Variants in SSH2 observed in about 807,000 individuals in gnomAD.
SSH2 encodes the protein slingshot protein phosphatase 2, also known as protein phosphatase Slingshot homolog 2.
A neutral mutation model predicts 135.2 loss-of-function variants in SSH2; 37 were observed. The observed-to-expected ratio is 0.27, with a 90% confidence interval of 0.21 to 0.36. SSH2 has a LOEUF of 0.36. Ranked by LOEUF, SSH2 falls within the 10% of genes least tolerant of loss-of-function variation. SSH2 has a pLI of 1.00. For synonymous variants in SSH2, 628 were observed against 646.2 expected, an observed-to-expected ratio of 0.97 and a Z score of 0.43; for missense variants, 1,408 against 1,765.3, an observed-to-expected ratio of 0.80 and a Z score of 3.63.
Position 29,692,534 on chromosome 17 carries a change from G to A in SSH2, c.357+2925C>T, listed in dbSNP as rs199552204. Among the ~76,000 whole-genome samples the A allele has an allele frequency of 2.6e-5, 4 of 152,220 alleles. No homozygotes were observed. In the East Asian group the frequency reaches 7.7e-4, roughly 29 times the overall value. ...TATTTTAGTAAGAAAAGAATTGCCA[G>A]CTCTGCCTTTGTAACTGCTTCCTTC... On this transcript the variant is annotated intron_variant, in intron 5 of 15. Coordinates refer to ENST00000540801, the MANE Select transcript of SSH2 (RefSeq NM_001282129.2).
intron 11 of SSH2, among the ~76,000 whole-genome samples, chr17:29,657,443 G>A (rs1319298902): frequency 7.1e-6 from 1 of 140,376 alleles, no homozygotes; most frequent in Non-Finnish European, 1.5e-5. Context: ...CTAATTTTTT[G>A]TATTTAGTAA....
intron 2 of SSH2, among the ~76,000 whole-genome samples, chr17:29,815,973 T>C (rs1050235483): frequency 1.3e-5 from 2 of 152,084 alleles, no homozygotes; most frequent in African/African-American, 4.8e-5. Context: ...CTCAGCCTCC[T>C]GAGTAGCTGG....
chr17:29,702,181 C>T (rs1283969355), intron 4 of SSH2, among the ~76,000 whole-genome samples: 1 of 151,926 alleles, frequency 6.6e-6, no homozygotes, highest in East Asian at 1.9e-4. Context: ...GGTGAAACAC[C>T]ATCTCTACTA....
intron 5 of SSH2, among the ~76,000 whole-genome samples, chr17:29,690,303 G>A (rs144928969): frequency 6.6e-6 from 1 of 151,838 alleles, no homozygotes; most frequent in Admixed American, 6.6e-5. Flanking sequence ...TACTCAGGAG[G>A]CTGAGGCAGG....
At chr17:29,892,349 G>A (rs2066366318) in intron 1 of SSH2, among the ~76,000 whole-genome samples, 1 of 151,998 alleles carries the variant, frequency 6.6e-6, no homozygotes, top group Admixed American at 6.6e-5. Flanking sequence ...CTTCCCTGGT[G>A]TGGATGAGGG....
intron 1 of SSH2, among the ~76,000 whole-genome samples, chr17:29,888,829 A>G (rs1202201896): frequency 6.8e-6 from 1 of 146,040 alleles, no homozygotes. Context: ...TAGACCAGCT[A>G]CTCAGGAGGC....
rs772612824 is a variant in SSH2, at chr17:29,632,941, G to C, written c.2263-10C>G. 2.5e-6 allele frequency: 4 copies of C among 1,583,112 alleles called. No individual in the cohort carries two copies. Among genetic ancestry groups the C allele is most frequent in the Non-Finnish European group, 3.4e-6 (4 of 1,165,304 alleles). ...CCAGTTCTGAAATTGCCTAAGAAGAGAAAGTAGTGAGAAGATTATGGCAAA... is the reference window on the plus strand; with the variant it reads ...CCAGTTCTGAAATTGCCTAAGAAGACAAAGTAGTGAGAAGATTATGGCAAA... On this transcript the variant is annotated splice_polypyrimidine_tract_variant and intron_variant, in intron 15 of 15. Coordinates refer to ENST00000540801, the MANE Select transcript of SSH2 (RefSeq NM_001282129.2).
intron 3 of SSH2, among the ~76,000 whole-genome samples, chr17:29,748,567 T>C (rs1254081464): frequency 1.3e-5 from 2 of 152,188 alleles, no homozygotes; most frequent in African/African-American, 4.8e-5. Flanking sequence ...CTGGTTTCAA[T>C]TACTCAATTA....
chr17:29,678,717 T>TTC (rs966890223), intron 6 of SSH2, among the ~76,000 whole-genome samples: 12 of 141,812 alleles, frequency 8.5e-5, no homozygotes, highest in African/African-American at 1.3e-4. Context: ...CTATTTCTTT[T>TTC]TTTTTTTTTT....
intron 2 of SSH2, among the ~76,000 whole-genome samples, chr17:29,847,444 A>G (rs1829742873): frequency 6.6e-6 from 1 of 152,128 alleles, no homozygotes. Flanking sequence ...TACAACTGGG[A>G]CGGTGTCTGC....
chr17:29,709,015 T>TATAGAGAGAGAG lies in SSH2; in HGVS notation c.189-5954_189-5953insCTCTCTCTCTAT, dbSNP rs780981175. Among the ~76,000 whole-genome samples the TATAGAGAGAGAG allele has an allele frequency of 5.5e-3, 446 of 81,576 alleles. 1 individual carries two copies. Among genetic ancestry groups the TATAGAGAGAGAG allele is most frequent in the Non-Finnish European group, 9.2e-3 (376 of 40,692 alleles). 53.5% of individuals were successfully genotyped at this position (81,576 alleles called of 152,430 possible). A position where few individuals can be genotyped will look rare whatever the true frequency, so the allele number is the denominator to read the frequency against. On this transcript the variant is annotated intron_variant, in intron 3 of 15. Coordinates refer to ENST00000540801, the MANE Select transcript of SSH2 (RefSeq NM_001282129.2). ...AGAAATATATATATATATATATATA[T>TATAGAGAGAGAG]AGAGAGAGAGAGAGAGAGAGAGAGA...
intron 1 of SSH2, among the ~76,000 whole-genome samples, chr17:29,868,454 C>T (rs2065888821): frequency 6.6e-6 from 1 of 152,020 alleles, no homozygotes; most frequent in South Asian, 2.1e-4. Context: ...AATTCAGTTC[C>T]CGGCTGGGTG....
intron 3 of SSH2, among the ~76,000 whole-genome samples, chr17:29,766,039 A>G (rs2041439516): frequency 6.6e-6 from 1 of 150,682 alleles, no homozygotes; most frequent in Non-Finnish European, 1.5e-5. Flanking sequence ...AAAAAAAAAG[A>G]TACAGGGACA....
chr17:29,628,869 C>T lies in SSH2; in HGVS notation c.*1972G>A, dbSNP rs1323739213. The T allele has an allele frequency of 6.6e-6, 1 of 152,284 alleles. No individual in the cohort carries two copies. The highest frequency in any genetic ancestry group is 6.5e-5 in the Admixed American group (1 of 15,280). The allele number at this position is 152,284 out of a possible 1,614,324, so 9.4% of individuals were successfully genotyped here. A position where few individuals can be genotyped will look rare whatever the true frequency, so the allele number is the denominator to read the frequency against. On this transcript the variant is annotated 3_prime_UTR_variant, in exon 16 of 16. Coordinates refer to ENST00000540801, the MANE Select transcript of SSH2 (RefSeq NM_001282129.2). ...CCCAGCCTTGGCTTCCACACAACTT[C>T]ACAGCTCCTCTTAAGACCCAGTGGC...
intron 3 of SSH2, among the ~76,000 whole-genome samples, chr17:29,704,272 T>G (rs1163561665): frequency 6.6e-6 from 1 of 152,142 alleles, no homozygotes; most frequent in African/African-American, 2.4e-5. Flanking sequence ...ACCTCAAAAT[T>G]TTACTACTGC....
In SSH2 at chr17:29,671,993, T is replaced by TC; in HGVS notation, c.750dup (p.Asn251GlufsTer23). The TC allele has an allele frequency of 6.2e-7, 1 of 1,614,190 alleles. No individual in the cohort carries two copies. Among genetic ancestry groups the TC allele is most frequent in the Non-Finnish European group, 8.5e-7 (1 of 1,180,018 alleles). ...TGGGACTGTACATCTTGCATTGCAT[T>TC]CCATTCATTGACTGAGGATTGATCT... On this transcript the variant is annotated frameshift_variant, in exon 9 of 16. Coordinates refer to ENST00000540801, the MANE Select transcript of SSH2 (RefSeq NM_001282129.2). LOFTEE classifies it high-confidence loss of function.
At chr17:29,665,102 G>C (rs149238040) in intron 11 of SSH2, among the ~76,000 whole-genome samples, 4 of 152,224 alleles carry the variant, frequency 2.6e-5, no homozygotes, top group African/African-American at 7.2e-5. Context: ...AGTTGGGAGG[G>C]CCCCATAGAA....
At chr17:29,686,385 G>A (rs750553982) in intron 5 of SSH2, among the ~76,000 whole-genome samples, 2 of 151,000 alleles carry the variant, frequency 1.3e-5, no homozygotes, top group African/African-American at 2.4e-5. Flanking sequence ...TTTAAGAGAC[G>A]GAGTCTTGCT....
intron 4 of SSH2, among the ~76,000 whole-genome samples, chr17:29,697,837 A>T (rs1487437692): frequency 2.0e-5 from 3 of 152,216 alleles, no homozygotes; most frequent in African/African-American, 7.2e-5. Flanking sequence ...TAAGTCTCAT[A>T]TGCACAAACC....
Sources: allele counts gnomAD v4.1 joint callset (sites outside exome capture counted in the v4.1 genomes callset), GRCh38; gene constraint gnomAD v4.1.1; transcripts MANE v1.5; gene names NCBI Gene and HGNC (gene_info 2026-07-23, HGNC 2026-07-21).